The following DPYD variants were observed in gnomAD, a reference collection of about 807,000 sequenced individuals.
The protein encoded by DPYD is dihydropyrimidine dehydrogenase.
Under a neutral mutation model 116.2 loss-of-function variants are expected in DPYD, and 109 were observed. The ratio of observed to expected loss-of-function variants is 0.94; its 90% confidence interval spans 0.80 to 1.10. The LOEUF (loss-of-function observed/expected upper bound fraction) is 1.10. Among genes scored for constraint, DPYD ranks in the 50% least tolerant of loss-of-function variants. The pLI is 0.00. For synonymous variants in DPYD, 440 were observed against 432.0 expected (o/e 1.02, Z -0.23); for missense variants, 1,302 against 1,254.5 (o/e 1.04, Z -0.57).
At chr1:97,143,071 C>T (rs1654347236) in intron 20 of DPYD, among the ~76,000 whole-genome samples, 1 of 151,766 alleles carries the variant, frequency 6.6e-6, no homozygotes, top group Non-Finnish European at 1.5e-5. Context: ...TCCACAAATG[C>T]ATGCTTTTTT....
intron 20 of DPYD, among the ~76,000 whole-genome samples, chr1:97,122,755 C>T (rs1652546464): frequency 6.6e-6 from 1 of 152,124 alleles, no homozygotes; most frequent in Non-Finnish European, 1.5e-5. Context: ...CCTTATATCA[C>T]TTACTCTATC....
intron 18 of DPYD, among the ~76,000 whole-genome samples, chr1:97,293,951 C>CA (rs35531075): frequency 3.3e-5 from 5 of 151,278 alleles, no homozygotes; most frequent in African/African-American, 9.7e-5. Flanking sequence ...CTGTCACAAA[C>CA]AAAAAAAACC....
At chr1:97,845,451 T>C (rs1286708165) in intron 2 of DPYD, among the ~76,000 whole-genome samples, 2 of 152,164 alleles carry the variant, frequency 1.3e-5, no homozygotes, top group East Asian at 3.9e-4. Context: ...ACTCCAGGTC[T>C]CCTTTCTGCT....
chr1:97,823,439 T>C (rs1027775691), intron 3 of DPYD, among the ~76,000 whole-genome samples: 9 of 152,208 alleles, frequency 5.9e-5, no homozygotes, highest in Admixed American at 5.2e-4. Flanking sequence ...ATATTACTGT[T>C]GACTATAGTC....
chr1:97,759,737 G>A (rs1441962330), intron 3 of DPYD, among the ~76,000 whole-genome samples: 2 of 152,048 alleles, frequency 1.3e-5, no homozygotes, highest in African/African-American at 4.8e-5. Context: ...CTAAAGGCAT[G>A]ATTCTGATTT....
At chr1:97,689,683 G>A (rs1660913214) in intron 7 of DPYD, among the ~76,000 whole-genome samples, 1 of 151,802 alleles carries the variant, frequency 6.6e-6, no homozygotes. Context: ...CAAACAGAAG[G>A]CAAATTATAA....
At chr1:97,891,350 G>A (rs911275916) in intron 1 of DPYD, among the ~76,000 whole-genome samples, 1 of 151,770 alleles carries the variant, frequency 6.6e-6, no homozygotes, top group African/African-American at 2.4e-5. Flanking sequence ...TCTCATCAAA[G>A]AATTTGACTT....
chr1:97,651,680 A>G (rs960209701), intron 8 of DPYD, among the ~76,000 whole-genome samples: 1 of 152,176 alleles, frequency 6.6e-6, no homozygotes, highest in Non-Finnish European at 1.5e-5. Flanking sequence ...GCAGCAAAAA[A>G]TCCTAAATGG....
In DPYD at chr1:97,114,107, A is replaced by T. The variant is rs556367730; in HGVS notation, c.2623-15475T>A. ...CACATTTTGGATTATAAAACTTCAAAATTTGCCATCATAGAAAAGCAAAGA... is the reference window on the plus strand; with the variant it reads ...CACATTTTGGATTATAAAACTTCAATATTTGCCATCATAGAAAAGCAAAGA... On this transcript the variant is annotated intron_variant, in intron 20 of 22. Transcript: ENST00000370192. Among the ~76,000 whole-genome samples the T allele has an allele frequency of 9.2e-5, 14 of 152,238 alleles. No individual in the cohort carries two copies. In the South Asian group the frequency reaches 2.1e-3, roughly 23 times the overall value.
intron 2 of DPYD, among the ~76,000 whole-genome samples, chr1:97,851,157 A>T (rs1212152862): frequency 6.6e-6 from 1 of 151,820 alleles, no homozygotes; most frequent in Non-Finnish European, 1.5e-5. Flanking sequence ...AAAAATATAT[A>T]GGGAAGGACA....
chr1:97,881,156 T>C (rs1179357680), intron 2 of DPYD, among the ~76,000 whole-genome samples: 2 of 152,030 alleles, frequency 1.3e-5, no homozygotes, highest in African/African-American at 4.8e-5. Flanking sequence ...ACCCCCACTA[T>C]CTCAAAATGT....
Position 97,079,107 on chromosome 1 carries a change from T to C in DPYD, c.2947A>G (p.Thr983Ala). 6.2e-7 allele frequency: 1 copy of C among 1,613,508 alleles called. No individual in the cohort carries two copies. ...AGAGTACAGCCTGTACAAGTGTCGG[T>C]TATGGTGGGCAGGTGGGTTTCTGGA... ...FDPETHLPTI[T>A]DTCTGCTLCL... The change falls in exon 23 of 23, where the codon ACC becomes GCC. Residue 983 changes from threonine to alanine, a missense_variant. By Grantham distance (58) the Thr-to-Ala change is moderately conservative (BLOSUM62 0). Transcript: ENST00000370192.
intron 15 of DPYD, among the ~76,000 whole-genome samples, chr1:97,382,159 A>G (rs1028386530): frequency 3.9e-5 from 6 of 152,184 alleles, no homozygotes; most frequent in African/African-American, 1.4e-4. Context: ...AAGGATTTTT[A>G]GGTAGTGTGT....
chr1:97,813,915 G>GACACAC lies in DPYD; in HGVS notation c.233+14193_233+14198dup, dbSNP rs59229553. On this transcript the variant is annotated intron_variant, in intron 3 of 22. Coordinates refer to ENST00000370192, the MANE Select transcript of DPYD (RefSeq NM_000110.4). ...CCATGGCCTAGATAGGAAACACACA[G>GACACAC]ACACACACACACACACACACACACA... Among the ~76,000 whole-genome samples, 1,227 of 144,720 alleles carry GACACAC rather than the reference G, an allele frequency of 8.5e-3. 7 individuals are homozygous for GACACAC. The highest frequency in any genetic ancestry group is 0.023 in the African/African-American group (894 of 39,218). 94.9% of individuals were successfully genotyped at this position (144,720 alleles called of 152,430 possible). A position where few individuals can be genotyped will look rare whatever the true frequency, so the allele number is the denominator to read the frequency against.
chr1:97,802,160 T>C (rs1355593278), intron 3 of DPYD, among the ~76,000 whole-genome samples: 4 of 151,918 alleles, frequency 2.6e-5, no homozygotes, highest in East Asian at 3.9e-4. Context: ...TTCAAAAAGC[T>C]TGGCAGTGAA....
At chr1:97,905,893 A>G (rs4394694) in intron 1 of DPYD, among the ~76,000 whole-genome samples, 1 of 151,918 alleles carries the variant, frequency 6.6e-6, no homozygotes, top group East Asian at 1.9e-4. Context: ...TCATATTCAT[A>G]GATTTTAGTT....
chr1:97,467,225 G>T (rs1336115611), intron 13 of DPYD, among the ~76,000 whole-genome samples: 1 of 152,154 alleles, frequency 6.6e-6, no homozygotes, highest in Admixed American at 6.5e-5. Context: ...GAGAACTAAG[G>T]GCTGAACTTT....
At chr1:97,216,831 C>A (rs765722527) in intron 19 of DPYD, among the ~76,000 whole-genome samples, 24 of 151,882 alleles carry the variant, frequency 1.6e-4, no homozygotes, top group Non-Finnish European at 3.1e-4. Flanking sequence ...GAAGAGGATG[C>A]AGATTTCCAA....
At chr1:97,281,833 T>C (rs552926) in intron 18 of DPYD, among the ~76,000 whole-genome samples, 61,526 of 151,854 alleles carry the variant, frequency 0.41, 12,693 homozygotes, top group African/African-American at 0.45. Context: ...TGCAATATCA[T>C]GAGTAGGGTA....
Sources: gnomAD v4.1 joint callset for allele counts (sites outside exome capture counted in the v4.1 genomes callset) on GRCh38, gnomAD v4.1.1 for gene constraint, MANE v1.5 for transcripts, NCBI Gene and HGNC (gene_info 2026-07-23, HGNC 2026-07-21) for gene names.